Variants in TMTC2 observed in about 807,000 individuals in gnomAD.
TMTC2 encodes transmembrane O-mannosyltransferase targeting cadherins 2.
Under a neutral mutation model 82.4 loss-of-function variants are expected in TMTC2, and 43 were observed. That is an observed-to-expected ratio of 0.52 (90% confidence interval 0.41 to 0.67). The LOEUF (loss-of-function observed/expected upper bound fraction) is 0.67, where lower values mean the gene tolerates loss of function less well. TMTC2 is among the 30% of genes least tolerant of loss of function. The pLI is 0.00. For synonymous variants in TMTC2, 408 were observed against 381.9 expected, an observed-to-expected ratio of 1.07 and a Z score of -0.80; for missense variants, 919 against 1,012.4, an observed-to-expected ratio of 0.91 and a Z score of 1.25.
At chr12:82,877,970 T>C (rs1406124615) in intron 2 of TMTC2, among the ~76,000 whole-genome samples, 2 of 152,232 alleles carry the variant, frequency 1.3e-5, no homozygotes, top group African/African-American at 4.8e-5. Flanking sequence ...ACCCCCACTC[T>C]ATATTGTTTT....
intron 7 of TMTC2, among the ~76,000 whole-genome samples, chr12:82,976,136 T>C (rs1175292521): frequency 6.6e-6 from 1 of 152,156 alleles, no homozygotes; most frequent in East Asian, 1.9e-4. Flanking sequence ...ATTCTGAGCA[T>C]TTAATAGAAT....
At chr12:82,743,762 T>G (rs557540732) in intron 1 of TMTC2, among the ~76,000 whole-genome samples, 1 of 152,342 alleles carries the variant, frequency 6.6e-6, no homozygotes, top group East Asian at 1.9e-4. Flanking sequence ...AATGCCTTTC[T>G]GATAGCTTTA....
intron 1 of TMTC2, among the ~76,000 whole-genome samples, chr12:82,721,488 A>G (rs1008690831): frequency 6.6e-6 from 1 of 152,218 alleles, no homozygotes; most frequent in African/African-American, 2.4e-5. Context: ...AAAACTAGAA[A>G]TAAGACTTCT....
intron 1 of TMTC2, among the ~76,000 whole-genome samples, chr12:82,784,320 G>A (rs1878064699): frequency 6.6e-6 from 1 of 151,988 alleles, no homozygotes; most frequent in South Asian, 2.1e-4. Flanking sequence ...ATTGGCTAGG[G>A]GACTATATCT....
At chr12:82,843,005 G>A (rs1160836081) in intron 1 of TMTC2, among the ~76,000 whole-genome samples, 1 of 152,202 alleles carries the variant, frequency 6.6e-6, no homozygotes, top group East Asian at 1.9e-4. Context: ...CACAGTGTGT[G>A]TGGCACATAA....
chr12:83,005,973 TC>T (rs1880182879), intron 8 of TMTC2, among the ~76,000 whole-genome samples: 1 of 152,140 alleles, frequency 6.6e-6, no homozygotes, highest in African/African-American at 2.4e-5. Context: ...GTTGCAGCTG[TC>T]CCCATGCAAA....
At chr12:82,910,877 CTT>C (rs149998904) in intron 3 of TMTC2, among the ~76,000 whole-genome samples, 29 of 141,492 alleles carry the variant, frequency 2.0e-4, no homozygotes, top group South Asian at 2.3e-4. Flanking sequence ...TTGTTTTTTT[CTT>C]TTTTTTTTTT....
chr12:82,995,278 A>G (rs1879567174), intron 8 of TMTC2, among the ~76,000 whole-genome samples: 2 of 152,084 alleles, frequency 1.3e-5, no homozygotes, highest in Admixed American at 6.5e-5. Flanking sequence ...AGTTGGGCCA[A>G]TGCTTTTACA....
intron 1 of TMTC2, among the ~76,000 whole-genome samples, chr12:82,719,631 A>C (rs952383214): frequency 6.0e-5 from 9 of 149,804 alleles, no homozygotes; most frequent in Non-Finnish European, 1.2e-4. Flanking sequence ...TCCTTTGGGC[A>C]TATGCCTGAT....
intron 2 of TMTC2, among the ~76,000 whole-genome samples, chr12:82,857,960 TA>T (rs1437473425): frequency 6.6e-6 from 1 of 152,240 alleles, no homozygotes; most frequent in Non-Finnish European, 1.5e-5. Context: ...AGCTAGATGC[TA>T]GACTTTACAG....
At chr12:82,951,270 A>C (rs1382007783) in intron 4 of TMTC2, among the ~76,000 whole-genome samples, 1 of 149,344 alleles carries the variant, frequency 6.7e-6, no homozygotes, top group Non-Finnish European at 1.5e-5. Context: ...GGAAACAACT[A>C]GTTCAATACC....
chr12:82,916,072 T>G (rs991850844), intron 3 of TMTC2, among the ~76,000 whole-genome samples: 1 of 152,134 alleles, frequency 6.6e-6, no homozygotes, highest in Admixed American at 6.5e-5. Context: ...TTAAAAAAGG[T>G]ACTGGTTGGA....
intron 1 of TMTC2, among the ~76,000 whole-genome samples, chr12:82,835,979 G>A (rs1234523678): frequency 6.6e-6 from 1 of 151,984 alleles, no homozygotes; most frequent in Non-Finnish European, 1.5e-5. Flanking sequence ...ATCACCCCTG[G>A]GTATAACATT....
chr12:82,809,991 C>G (rs916670625), intron 1 of TMTC2, among the ~76,000 whole-genome samples: 1 of 151,988 alleles, frequency 6.6e-6, no homozygotes, highest in Admixed American at 6.6e-5. Flanking sequence ...ATCTTAATCT[C>G]TTCATTTTAG....
At chr12:82,965,400 T>C (rs1878146914) in intron 5 of TMTC2, among the ~76,000 whole-genome samples, 160 bp from the exon 6 acceptor site, 1 of 152,148 alleles carries the variant, frequency 6.6e-6, no homozygotes, top group Non-Finnish European at 1.5e-5. Context: ...TATTTGCAGT[T>C]TCACTACCAT....
intron 11 of TMTC2, among the ~76,000 whole-genome samples, chr12:83,108,629 C>CAA (rs201586162): frequency 0.019 from 2,093 of 108,196 alleles, 67 homozygotes; most frequent in African/African-American, 0.066. Flanking sequence ...GACTCCATCT[C>CAA]AAAAAAAAAA....
chr12:82,769,735 T>G (rs1877183138), intron 1 of TMTC2, among the ~76,000 whole-genome samples: 1 of 152,044 alleles, frequency 6.6e-6, no homozygotes, highest in Non-Finnish European at 1.5e-5. Context: ...CTCAGCCTCC[T>G]GTGTAGCTGG....
intron 1 of TMTC2, among the ~76,000 whole-genome samples, chr12:82,709,846 TCTCTACTTG>T (rs1873541957): frequency 6.6e-6 from 1 of 152,250 alleles, no homozygotes; most frequent in Admixed American, 6.5e-5. Flanking sequence ...TCTATGCAAT[TCTCTACTTG>T]CCACAAGCCA....
intron 3 of TMTC2, among the ~76,000 whole-genome samples, chr12:82,905,959 AAGAG>A (rs1874280031): frequency 6.6e-6 from 1 of 151,930 alleles, no homozygotes; most frequent in Non-Finnish European, 1.5e-5. Flanking sequence ...AAAAAAAAAA[AAGAG>A]AAAGGAAAAA....
Sources: allele counts gnomAD v4.1 joint callset (sites outside exome capture counted in the v4.1 genomes callset), GRCh38; gene constraint gnomAD v4.1.1; transcripts MANE v1.5; gene names NCBI Gene and HGNC (gene_info 2026-07-23, HGNC 2026-07-21).